LRP4: variants seen among roughly 807,000 people sequenced by gnomAD.
LRP4 encodes LDL receptor related protein 4.
Under a neutral mutation model 220.3 loss-of-function variants are expected in LRP4, and 95 were observed. The observed-to-expected ratio is 0.43, with a 90% CI of 0.37 to 0.51. The LOEUF (loss-of-function observed/expected upper bound fraction) is 0.51. Among genes scored for constraint, LRP4 ranks in the 20% least tolerant of loss-of-function variants. The probability of loss-of-function intolerance (pLI) is 0.00; values close to 1 mark genes in which losing one functional copy is unlikely to be tolerated. For missense variants in LRP4, 1,925 were observed against 2,567.0 expected (o/e 0.75, Z 5.40); for synonymous variants, 903 against 954.6 (o/e 0.95, Z 1.00).
rs772497554 is a variant in LRP4, at chr11:46,876,823, C to T, written c.3285G>A (p.Val1095=). The change falls in exon 24 of 38, where the codon GTG becomes GTA. Residue 1095 remains valine, a synonymous_variant. Coordinates refer to ENST00000378623, the MANE Select transcript of LRP4 (RefSeq NM_002334.4). Reference sequence around the variant, plus strand: ...TGTGCAGTGTGCTGTCAGACCAGTACACCTTTCCTGGAGAGGGAAAGCTTG... The same window carrying T: ...TGTGCAGTGTGCTGTCAGACCAGTATACCTTTCCTGGAGAGGGAAAGCTTG... ...AIGVDPQEGK[V]YWSDSTLHRI... 3.1e-6 allele frequency: 5 copies of T among 1,613,776 alleles called. No homozygotes were observed. In the South Asian group the frequency reaches 5.5e-5, roughly 18 times the overall value.
chr11:46,908,806 G>A (rs1191434143), intron 1 of LRP4, among the ~76,000 whole-genome samples: 1 of 152,232 alleles, frequency 6.6e-6, no homozygotes, highest in Non-Finnish European at 1.5e-5. Context: ...TTGGTCCAGG[G>A]AACAGGGCTT....
chr11:46,901,090 C>T (rs1321311859), intron 2 of LRP4, among the ~76,000 whole-genome samples: 2 of 152,304 alleles, frequency 1.3e-5, no homozygotes, highest in South Asian at 2.1e-4. Context: ...GCCACCACAC[C>T]CAGCCCCCTT....
At chr11:46,874,037 C>A (rs1313644079) in intron 28 of LRP4, 1 of 175,308 alleles carries the variant, frequency 5.7e-6, no homozygotes, top group African/African-American at 2.4e-5. Context: ...AACTCCTGGG[C>A]TCAAGCAATC....
At position 46,896,286 on chromosome 11, in the gene LRP4, G is replaced by A. The variant is rs1941530094; in HGVS notation, c.972C>T (p.Cys324=). ...CGTTGCACAGCTTCCTCTGCCCAAT[G>A]CAGCGCCCATTCCAACACAGGAACT... The part of the protein sequence containing the change: ...LDQFLCWNGR[C]IGQRKLCNGV... The change falls in exon 9 of 38, where the codon TGC becomes TGT. Residue 324 remains cysteine, a synonymous_variant. Transcript: ENST00000378623. 1 of 1,614,180 alleles carries A rather than the reference G, an allele frequency of 6.2e-7. No individual in the cohort carries two copies. The highest frequency in any genetic ancestry group is 8.5e-7 in the Non-Finnish European group (1 of 1,180,048).
Position 46,889,482 on chromosome 11 carries a change from G to C in LRP4, c.2144C>G (p.Pro715Arg), listed in dbSNP as rs1228329471. ...NNGGCTHLCL[P>R]SGQNYTCACP... ...GGCACAGGTGTAGTTCTGGCCACTG[G>C]GCAGACACAGGTGCGTGCAGCCTCC... The change falls in exon 16 of 38, where the codon CCC (proline) becomes CGC (arginine). Residue 715 changes from proline to arginine, a missense_variant. Physicochemically the swap from Pro to Arg is moderately radical, Grantham distance 103. Coordinates refer to ENST00000378623, the MANE Select transcript of LRP4 (RefSeq NM_002334.4). 1 of 1,614,130 alleles carries C rather than the reference G, an allele frequency of 6.2e-7. No individual in the cohort carries two copies. The highest frequency in any genetic ancestry group is 2.2e-5 in the East Asian group (1 of 44,870).
In LRP4 at chr11:46,881,770, G is replaced by A. The variant is rs147259655; in HGVS notation, c.2746C>T (p.Arg916Cys). The change falls in exon 20 of 38, where the codon CGT (arginine) becomes TGT (cysteine). Residue 916 changes from arginine (R) to cysteine (C), a missense_variant. By Grantham distance (180) the Arg-to-Cys change is radical. This residue lies in a region of LRP4 where 1,244 missense variants were observed against 1,624.9 expected (regional missense o/e 0.77). Transcript: ENST00000378623. The stretch of plus-strand genomic sequence containing the variant: ...ATGCCGGCGTCAGCCCAGTATAGAC[G>A]CTGGGACCCATAATCAATAGCTAAC... ...NGLAIDYGSQ[R>C]LYWADAGMKT... 2.0e-5 allele frequency: 32 copies of A among 1,613,802 alleles called. No homozygotes were observed. The highest frequency in any genetic ancestry group is 2.5e-5 in the Non-Finnish European group (29 of 1,180,042).
chr11:46,874,758 A>G, intron 28 of LRP4, 42 bp downstream of exon 28: 1 of 1,598,716 alleles, frequency 6.3e-7, no homozygotes, highest in Non-Finnish European at 8.6e-7. Flanking sequence ...GGGCGACCAG[A>G]AGCAAATCTG....
chr11:46,880,445 TA>T (rs55651347), intron 20 of LRP4, among the ~76,000 whole-genome samples: 97,209 of 151,148 alleles, frequency 0.64, 32,993 homozygotes, highest in Non-Finnish European at 0.77. Context: ...CTACAAAAAA[TA>T]AAAAAATCAG....
chr11:46,870,495 G>T (rs1940833069), intron 31 of LRP4, among the ~76,000 whole-genome samples: 1 of 152,116 alleles, frequency 6.6e-6, no homozygotes, highest in Non-Finnish European at 1.5e-5. Flanking sequence ...TACAAATGTA[G>T]CTCACTGCAG....
intron 34 of LRP4, 111 bp downstream of exon 34, chr11:46,867,868 G>T: frequency 2.3e-6 from 3 of 1,288,054 alleles, no homozygotes; most frequent in Non-Finnish European, 2.2e-6. Flanking sequence ...GGGACTGGTA[G>T]CTCCTGACAT....
intron 1 of LRP4, among the ~76,000 whole-genome samples, chr11:46,908,449 A>T (rs918737418): frequency 6.6e-6 from 1 of 152,194 alleles, no homozygotes; most frequent in Non-Finnish European, 1.5e-5. Context: ...GCTGGGGACA[A>T]TGAACCACAG....
intron 16 of LRP4, among the ~76,000 whole-genome samples, chr11:46,887,052 A>G (rs1447491488): frequency 6.6e-6 from 1 of 151,960 alleles, no homozygotes; most frequent in Non-Finnish European, 1.5e-5. Context: ...TCTTATTCCC[A>G]TTTTCTAGAC....
chr11:46,916,927 T>C (rs989429666), intron 1 of LRP4, among the ~76,000 whole-genome samples: 13 of 152,142 alleles, frequency 8.5e-5, no homozygotes, highest in African/African-American at 2.9e-4. Flanking sequence ...ACAAATAACC[T>C]TCCAGGAGAG....
intron 13 of LRP4, among the ~76,000 whole-genome samples, chr11:46,891,762 TG>T (rs1427576963): frequency 2.6e-5 from 4 of 152,130 alleles, no homozygotes; most frequent in African/African-American, 9.6e-5. Context: ...ACTACAGGCA[TG>T]CATCAATAAG....
intron 28 of LRP4, chr11:46,874,435 A>C (rs1308314827): frequency 9.9e-6 from 2 of 201,788 alleles, no homozygotes; most frequent in Non-Finnish European, 2.0e-5. Flanking sequence ...TTGGCATTTG[A>C]TTGGGGCTCC....
At chr11:46,877,590 C>T (rs149388710) in intron 22 of LRP4, among the ~76,000 whole-genome samples, 44 of 152,266 alleles carry the variant, frequency 2.9e-4, no homozygotes, top group Non-Finnish European at 5.3e-4. Flanking sequence ...ACCTCAGCCC[C>T]CTGAGTAGCT....
chr11:46,863,584 C>CAAA (rs55744712), intron 36 of LRP4, among the ~76,000 whole-genome samples: 741 of 54,108 alleles, frequency 0.014, 7 homozygotes, highest in Non-Finnish European at 0.016. Flanking sequence ...ACTAAAAATA[C>CAAA]AAAAAAAAAA....
rs768149014 is a variant in LRP4, at chr11:46,890,427, G to A, written c.1765C>T (p.Arg589Cys). ...AGATGGGTATCGGCAATGATGCGGCGTCCAGAGCCATCCATGCTGGAGGCC... is the reference window on the plus strand; with the variant it reads ...AGATGGGTATCGGCAATGATGCGGCATCCAGAGCCATCCATGCTGGAGGCC... ...IEASSMDGSGRRIIADTHLFW... is the reference protein window; with the variant it reads ...IEASSMDGSGCRIIADTHLFW... Residue 589 changes from arginine to cysteine, a missense_variant, in exon 14 of 38, where the codon CGC becomes TGC. This residue lies in a region of LRP4 where 269 missense variants were observed against 436.7 expected (regional missense o/e 0.62). Transcript: ENST00000378623. This position sits in a 1 kb window ranked among gnomAD's most constrained non-coding sequence, Gnocchi z 5.3. The A allele has an allele frequency of 9.3e-6, 15 of 1,614,112 alleles. No individual in the cohort carries two copies. The highest frequency in any genetic ancestry group is 1.7e-5 in the Admixed American group (1 of 60,022).
intron 7 of LRP4, among the ~76,000 whole-genome samples, chr11:46,897,881 C>A (rs1165125352): frequency 6.6e-6 from 1 of 152,240 alleles, no homozygotes; most frequent in Non-Finnish European, 1.5e-5. Flanking sequence ...TCTCAATGAG[C>A]TGTTGGGTAC....
Sources: allele counts gnomAD v4.1 joint callset (sites outside exome capture counted in the v4.1 genomes callset), GRCh38; gene constraint gnomAD v4.1.1; regional missense constraint gnomAD v4.1.1; non-coding constraint Gnocchi (gnomAD v3.1); transcripts MANE v1.5; gene names NCBI Gene and HGNC (gene_info 2026-07-23, HGNC 2026-07-21).